The following STPG2 variants were observed in gnomAD, a reference collection of about 807,000 sequenced individuals.
STPG2 encodes the protein sperm tail PG-rich repeat containing 2.
In STPG2, 56 loss-of-function variants were observed where a neutral mutation model predicts 54.2. That is an observed-to-expected ratio of 1.03 (90% CI 0.83 to 1.29). The LOEUF (loss-of-function observed/expected upper bound fraction) is 1.29, where lower values mean the gene tolerates loss of function less well. STPG2 is among the 50% of genes most tolerant of loss of function. STPG2 has a pLI of 0.00. For synonymous variants in STPG2, 200 were observed against 181.8 expected (o/e 1.10, Z -0.81); for missense variants, 596 against 544.9 (o/e 1.09, Z -0.93).
At chr4:97,974,400 TAA>T (rs1734435001) in intron 6 of STPG2, among the ~76,000 whole-genome samples, 1 of 152,212 alleles carries the variant, frequency 6.6e-6, no homozygotes, top group Admixed American at 6.5e-5. Flanking sequence ...CTGAATGAGT[TAA>T]GACTTTTGGG....
At chr4:97,914,805 G>A (rs1221038554) in intron 8 of STPG2, among the ~76,000 whole-genome samples, 1 of 152,126 alleles carries the variant, frequency 6.6e-6, no homozygotes, top group African/African-American at 2.4e-5. Context: ...CATTCAAAAA[G>A]TTTCAGATTT....
chr4:97,864,098 G>T (rs1729668749), intron 8 of STPG2, among the ~76,000 whole-genome samples: 1 of 152,032 alleles, frequency 6.6e-6, no homozygotes. Context: ...TTCTGGCCAG[G>T]GCAATCAGGC....
At chr4:98,121,076 A>G (rs2110155432) in intron 3 of STPG2, among the ~76,000 whole-genome samples, 1 of 152,320 alleles carries the variant, frequency 6.6e-6, no homozygotes, top group African/African-American at 2.4e-5. Flanking sequence ...TAATTTTTGT[A>G]TAAGGCATAA....
chr4:98,036,344 G>A (rs13101542), intron 5 of STPG2, among the ~76,000 whole-genome samples: 59,890 of 151,818 alleles, frequency 0.39, 12,044 homozygotes, highest in Middle Eastern at 0.46. Context: ...CTATTATAAA[G>A]ATACATGCAT....
intron 4 of STPG2, among the ~76,000 whole-genome samples, chr4:97,523,913 G>A (rs2148848615): frequency 6.6e-6 from 1 of 152,038 alleles, no homozygotes; most frequent in African/African-American, 2.4e-5. Context: ...ACACAAACAG[G>A]ATTAAAATAA....
At chr4:97,904,161 A>G (rs1026258656) in intron 8 of STPG2, among the ~76,000 whole-genome samples, 9 of 152,224 alleles carry the variant, frequency 5.9e-5, no homozygotes, top group Admixed American at 5.9e-4. Context: ...ACAGAAAAAC[A>G]AAAAGACAGC....
chr4:97,575,334 T>C (rs1017756982), intron 10 of STPG2, among the ~76,000 whole-genome samples: 4 of 151,494 alleles, frequency 2.6e-5, no homozygotes, highest in Admixed American at 6.6e-5. Context: ...AGAGACACAA[T>C]GAAAAAAGAA....
At chr4:97,949,262 G>T (rs1733369316) in intron 7 of STPG2, among the ~76,000 whole-genome samples, 1 of 151,940 alleles carries the variant, frequency 6.6e-6, no homozygotes, top group Non-Finnish European at 1.5e-5. Context: ...GTTTCCATTT[G>T]CATGGATTAA....
At chr4:98,045,351 G>A (rs543866848) in intron 5 of STPG2, among the ~76,000 whole-genome samples, 1 of 152,084 alleles carries the variant, frequency 6.6e-6, no homozygotes, top group South Asian at 2.1e-4. Flanking sequence ...TTCCCTCTAA[G>A]ACAAACACCA....
At chr4:98,121,267 G>A (rs2110155584) in intron 3 of STPG2, among the ~76,000 whole-genome samples, 1 of 152,278 alleles carries the variant, frequency 6.6e-6, no homozygotes, top group East Asian at 1.9e-4. Flanking sequence ...TTTTCTACCA[G>A]GACCAAGCTG....
At position 97,968,672 on chromosome 4, in the gene STPG2, C is replaced by T. The variant is rs7696683; in HGVS notation, c.933+3608G>A. ...AACATAATCCATCACATAAACAGAA[C>T]CAATGACAAAAACCACATGATTATC... On this transcript the variant is annotated intron_variant, in intron 7 of 10. Coordinates refer to ENST00000295268, the MANE Select transcript of STPG2 (RefSeq NM_174952.3). 1.6e-3 allele frequency among the ~76,000 whole-genome samples: 236 copies of T among 152,238 alleles called. 1 individual carries two copies. The highest frequency in any genetic ancestry group is 5.5e-3 in the African/African-American group (228 of 41,538).
At chr4:98,044,786 A>C (rs1453512454) in intron 5 of STPG2, among the ~76,000 whole-genome samples, 2 of 152,178 alleles carry the variant, frequency 1.3e-5, no homozygotes, top group Non-Finnish European at 2.9e-5. Flanking sequence ...AATGAGCATG[A>C]AAGGTAGCAG....
At chr4:98,079,975 TGTGG>T (rs1738292898) in intron 5 of STPG2, among the ~76,000 whole-genome samples, 1 of 152,134 alleles carries the variant, frequency 6.6e-6, no homozygotes, top group Non-Finnish European at 1.5e-5. Flanking sequence ...GGAAATATGC[TGTGG>T]GTAATACTTA....
chr4:97,743,509 TC>T (rs778910899), intron 9 of STPG2, among the ~76,000 whole-genome samples: 6 of 151,714 alleles, frequency 4.0e-5, no homozygotes, highest in Admixed American at 2.0e-4. Context: ...CCAAATTGAA[TC>T]ACCTGTCAAT....
At chr4:97,807,686 A>T (rs1727613943) in intron 9 of STPG2, among the ~76,000 whole-genome samples, 1 of 151,924 alleles carries the variant, frequency 6.6e-6, no homozygotes, top group Non-Finnish European at 1.5e-5. Context: ...ATTTATTTGG[A>T]ATTGAAAAGT....
At chr4:97,923,251 G>A (rs190978976) in intron 8 of STPG2, among the ~76,000 whole-genome samples, 33 of 152,354 alleles carry the variant, frequency 2.2e-4, no homozygotes, top group African/African-American at 7.0e-4. Context: ...GGGGGGTGTG[G>A]AGAGAGAGGC....
At chr4:97,961,086 T>C (rs1242107916) in intron 7 of STPG2, among the ~76,000 whole-genome samples, 7 of 125,682 alleles carry the variant, frequency 5.6e-5, no homozygotes, top group South Asian at 2.6e-4. Context: ...AACAAAAACA[T>C]AAAATGGAAA....
intron 10 of STPG2, among the ~76,000 whole-genome samples, chr4:97,636,962 A>G (rs1359914129): frequency 2.0e-5 from 3 of 152,182 alleles, no homozygotes; most frequent in Non-Finnish European, 4.4e-5. Flanking sequence ...AATCAATAGA[A>G]AAAGAGGGAA....
At chr4:97,985,323 A>G (rs1490836332) in intron 5 of STPG2, among the ~76,000 whole-genome samples, 2 of 152,178 alleles carry the variant, frequency 1.3e-5, no homozygotes, top group East Asian at 1.9e-4. Flanking sequence ...AAGGAAGAGC[A>G]AAGGGCATGT....
Sources: allele counts gnomAD v4.1 joint callset (sites outside exome capture counted in the v4.1 genomes callset), GRCh38; gene constraint gnomAD v4.1.1; transcripts MANE v1.5; gene names NCBI Gene and HGNC (gene_info 2026-07-23, HGNC 2026-07-21).